GUCY1A2: variants seen among roughly 807,000 people sequenced by gnomAD.
The protein encoded by GUCY1A2 is guanylate cyclase soluble subunit alpha-2.
Under a neutral mutation model 63.5 loss-of-function variants are expected in GUCY1A2, and 27 were observed. The ratio of observed to expected loss-of-function variants is 0.43; its 90% CI spans 0.31 to 0.59. The LOEUF is 0.59. Ranked by LOEUF, GUCY1A2 falls within the 20% of genes least tolerant of loss-of-function variation. GUCY1A2 has a pLI of 0.11. For synonymous variants in GUCY1A2, 364 were observed against 343.5 expected, an observed-to-expected ratio of 1.06 and a Z score of -0.66; for missense variants, 768 against 913.3, an observed-to-expected ratio of 0.84 and a Z score of 2.05.
At position 106,681,027 on chromosome 11, in the gene GUCY1A2, C is replaced by A. The variant is rs1862423700; in HGVS notation, c.*6522G>T. On this transcript the variant is annotated 3_prime_UTR_variant, in exon 8 of 8. Transcript: ENST00000526355. ...TGAAGTAAATTTAACTACTAAAGAA[C>A]TGATTATCATTGACTATGCCACATT... 1 of 206,292 alleles carries A rather than the reference C, an allele frequency of 4.8e-6. No homozygotes were observed. The highest frequency in any genetic ancestry group is 7.4e-5 in the East Asian group (1 of 13,526). 12.8% of individuals were successfully genotyped at this position (206,292 alleles called of 1,614,324 possible).
intron 4 of GUCY1A2, chr11:106,824,117 T>G: frequency 6.6e-7 from 1 of 1,511,066 alleles, no homozygotes. Flanking sequence ...CTAAAGCTAA[T>G]CTTCTGAACA....
At chr11:106,972,080 CAT>C (rs748100524) in intron 3 of GUCY1A2, among the ~76,000 whole-genome samples, 113 of 152,142 alleles carry the variant, frequency 7.4e-4, no homozygotes, top group Non-Finnish European at 1.4e-3. Flanking sequence ...TCAAAAACAA[CAT>C]AAGTCTGAGA....
chr11:106,801,701 T>C (rs929415151), intron 5 of GUCY1A2, among the ~76,000 whole-genome samples: 1 of 152,134 alleles, frequency 6.6e-6, no homozygotes, highest in Non-Finnish European at 1.5e-5. Flanking sequence ...AATTTAATTG[T>C]ACATTTTAAA....
intron 3 of GUCY1A2, among the ~76,000 whole-genome samples, chr11:106,950,256 G>A (rs568502783): frequency 6.6e-6 from 1 of 152,298 alleles, no homozygotes; most frequent in African/African-American, 2.4e-5. Flanking sequence ...AACCTGGCAG[G>A]TGACAAAGGG....
chr11:106,792,000 A>G (rs1467054499), intron 5 of GUCY1A2, among the ~76,000 whole-genome samples: 2 of 139,730 alleles, frequency 1.4e-5, no homozygotes, highest in Non-Finnish European at 3.2e-5. Context: ...ATAAAAAAAG[A>G]AAAAAAACTT....
intron 4 of GUCY1A2, among the ~76,000 whole-genome samples, chr11:106,832,361 A>C (rs139743344): frequency 3.9e-4 from 59 of 152,276 alleles, no homozygotes; most frequent in African/African-American, 1.4e-3. Context: ...TCTCTAGGGC[A>C]AACTATGTAT....
chr11:106,769,012 C>A (rs1178410733), intron 6 of GUCY1A2, among the ~76,000 whole-genome samples: 1 of 152,114 alleles, frequency 6.6e-6, no homozygotes, highest in African/African-American at 2.4e-5. Flanking sequence ...AGCTTTAAAT[C>A]CCCTGATCGC....
intron 6 of GUCY1A2, among the ~76,000 whole-genome samples, chr11:106,731,587 C>T (rs7942149): frequency 0.26 from 39,934 of 151,926 alleles, 5,445 homozygotes; most frequent in Middle Eastern, 0.3. Flanking sequence ...GAAGAGAGGA[C>T]GTCAAACTAA....
chr11:106,958,182 A>G, intron 3 of GUCY1A2, among the ~76,000 whole-genome samples: 1 of 152,164 alleles, frequency 6.6e-6, no homozygotes, highest in East Asian at 1.9e-4. Flanking sequence ...TTTAAAGCAG[A>G]ATTTGTGAAT....
intron 6 of GUCY1A2, among the ~76,000 whole-genome samples, chr11:106,765,870 C>A (rs1405581167): frequency 6.6e-6 from 1 of 152,058 alleles, no homozygotes; most frequent in Non-Finnish European, 1.5e-5. Flanking sequence ...ATTGGTTTAA[C>A]CTCTGAACAA....
chr11:106,988,710 C>T (rs1045492723), intron 1 of GUCY1A2, among the ~76,000 whole-genome samples: 9 of 152,214 alleles, frequency 5.9e-5, no homozygotes, highest in Non-Finnish European at 1.0e-4. Context: ...TGGGCAGGCA[C>T]ATTCTAATAG....
At chr11:106,852,426 A>G (rs1316369771) in intron 4 of GUCY1A2, among the ~76,000 whole-genome samples, 2 of 152,054 alleles carry the variant, frequency 1.3e-5, no homozygotes, top group African/African-American at 4.8e-5. Context: ...TTCCCGATTC[A>G]GTATGTATGT....
intron 4 of GUCY1A2, chr11:106,827,439 G>C: frequency 2.1e-6 from 3 of 1,447,624 alleles, no homozygotes; most frequent in Non-Finnish European, 2.9e-6. Context: ...CGTTCCCTAA[G>C]ATCATTATTC....
At chr11:106,905,118 T>C (rs1182039590) in intron 4 of GUCY1A2, among the ~76,000 whole-genome samples, 1 of 152,102 alleles carries the variant, frequency 6.6e-6, no homozygotes, top group African/African-American at 2.4e-5. Context: ...ATGTAGTTCA[T>C]TAAGAGTCGG....
chr11:106,848,209 T>C (rs1343507553), intron 4 of GUCY1A2, among the ~76,000 whole-genome samples: 1 of 148,830 alleles, frequency 6.7e-6, no homozygotes, highest in African/African-American at 2.4e-5. Context: ...TAGAGCTATA[T>C]AAAAATCAAC....
rs552455431 is a variant in GUCY1A2, at chr11:106,687,355, C to T, written c.*194G>A. 7 of 586,184 alleles carry T rather than the reference C, an allele frequency of 1.2e-5. No individual in the cohort carries two copies. Among genetic ancestry groups the T allele is most frequent in the South Asian group, 8.3e-5 (4 of 48,084 alleles). The allele number at this position is 586,184 out of a possible 1,614,324, so 36.3% of individuals were successfully genotyped here. ...TCATATGAATGGACACATCTTATTT[C>T]CCTCATCCTCCGGCTTTTTATTGAC... is the stretch of plus-strand genomic sequence containing the variant. On this transcript the variant is annotated 3_prime_UTR_variant, in exon 8 of 8. Coordinates refer to ENST00000526355, the MANE Select transcript of GUCY1A2 (RefSeq NM_000855.3).
chr11:106,742,609 G>T (rs1863714340), intron 6 of GUCY1A2, among the ~76,000 whole-genome samples: 1 of 152,090 alleles, frequency 6.6e-6, no homozygotes, highest in Non-Finnish European at 1.5e-5. Flanking sequence ...ATTTAGGTTG[G>T]TTACATGTCT....
At chr11:106,904,182 C>T (rs1269735069) in intron 4 of GUCY1A2, among the ~76,000 whole-genome samples, 2 of 152,162 alleles carry the variant, frequency 1.3e-5, no homozygotes, top group African/African-American at 2.4e-5. Flanking sequence ...CTATTCCTCA[C>T]TTACCTCCAC....
chr11:106,720,221 T>C (rs953119930), intron 6 of GUCY1A2, among the ~76,000 whole-genome samples: 1 of 152,228 alleles, frequency 6.6e-6, no homozygotes, highest in Admixed American at 6.5e-5. Context: ...CAAAACAGTT[T>C]GGGTGGCAAC....
Sources: allele counts gnomAD v4.1 joint callset (sites outside exome capture counted in the v4.1 genomes callset), GRCh38; gene constraint gnomAD v4.1.1; transcripts MANE v1.5; gene names NCBI Gene and HGNC (gene_info 2026-07-23, HGNC 2026-07-21).